SIL1: variants seen among roughly 807,000 people sequenced by gnomAD.
SIL1 encodes the protein nucleotide exchange factor SIL1.
SIL1 carries 40 observed loss-of-function variants against 49.1 expected under a neutral mutation model. That is an observed-to-expected ratio of 0.81 (90% CI 0.63 to 1.06). SIL1 has a LOEUF of 1.06. Among genes scored for constraint, SIL1 ranks in the 50% least tolerant of loss-of-function variants. The pLI, the probability that SIL1 is intolerant of heterozygous loss-of-function variation, is 0.00. For missense variants in SIL1, 500 were observed against 572.6 expected, an observed-to-expected ratio of 0.87 and a Z score of 1.29; for synonymous variants, 253 against 250.8, an observed-to-expected ratio of 1.01 and a Z score of -0.08.
Position 138,951,853 on chromosome 5 carries a change from C to A in SIL1, c.799G>T (p.Gly267Trp), listed in dbSNP as rs202207368. The A allele has an allele frequency of 4.3e-6, 7 of 1,614,024 alleles. No homozygotes were observed. Among genetic ancestry groups the A allele is most frequent in the Non-Finnish European group, 5.9e-6 (7 of 1,180,028 alleles). The change falls in exon 8 of 10, where the codon GGG (glycine) becomes TGG (tryptophan). Residue 267 changes from glycine (G) to tryptophan (W), a missense_variant. Coordinates refer to ENST00000394817, the MANE Select transcript of SIL1 (RefSeq NM_022464.5). ...ACCAGCAGCTTCTGCAGGGCTCCCCCTTCGATGGCCTCCACCTGGACCTTG... is the reference window on the plus strand; with the variant it reads ...ACCAGCAGCTTCTGCAGGGCTCCCCATTCGATGGCCTCCACCTGGACCTTG... ...NPKVQVEAIE[G>W]GALQKLLVIL...
chr5:139,047,689 G>T (rs1258778552), intron 4 of SIL1, among the ~76,000 whole-genome samples: 1 of 152,236 alleles, frequency 6.6e-6, no homozygotes, highest in African/African-American at 2.4e-5. Context: ...AAGACACCAT[G>T]AAATGGAATT....
At chr5:138,959,998 A>G (rs1043101204) in intron 7 of SIL1, among the ~76,000 whole-genome samples, 13 of 152,230 alleles carry the variant, frequency 8.5e-5, no homozygotes, top group African/African-American at 3.1e-4. Flanking sequence ...AAGAATAAAT[A>G]TTGTCAGGAG....
At chr5:139,075,949 T>C (rs1769939976) in intron 3 of SIL1, among the ~76,000 whole-genome samples, 1 of 152,160 alleles carries the variant, frequency 6.6e-6, no homozygotes, top group Non-Finnish European at 1.5e-5. Flanking sequence ...TCATTCCCAA[T>C]ACGATCTGCC....
intron 7 of SIL1, among the ~76,000 whole-genome samples, chr5:139,000,227 TG>T (rs1767957515): frequency 6.6e-6 from 1 of 152,230 alleles, no homozygotes; most frequent in Non-Finnish European, 1.5e-5. Context: ...AATGATTACA[TG>T]GTTTTTGTTC....
At chr5:138,998,919 C>T (rs1423448099) in intron 7 of SIL1, among the ~76,000 whole-genome samples, 1 of 137,560 alleles carries the variant, frequency 7.3e-6, no homozygotes, top group East Asian at 2.2e-4. Flanking sequence ...TGCAATGGCA[C>T]AATCTCAGCT....
chr5:139,067,540 T>C (rs1278783344), intron 3 of SIL1, among the ~76,000 whole-genome samples: 4 of 152,232 alleles, frequency 2.6e-5, no homozygotes, highest in Non-Finnish European at 5.9e-5. Flanking sequence ...ACAATATTAC[T>C]AGAGACCAGC....
At chr5:139,185,187 A>G (rs1752057336) in intron 1 of SIL1, among the ~76,000 whole-genome samples, 1 of 152,080 alleles carries the variant, frequency 6.6e-6, no homozygotes, top group African/African-American at 2.4e-5. Flanking sequence ...TGTTGCGTGT[A>G]AGGGGTCCAG....
At chr5:139,035,739 C>T (rs974277328) in intron 5 of SIL1, 3 of 200,598 alleles carry the variant, frequency 1.5e-5, no homozygotes, top group South Asian at 8.0e-5. Flanking sequence ...AGCTCCGCCT[C>T]CCAGGTTCAC....
chr5:139,187,856 C>G (rs1373220306), intron 1 of SIL1: 2 of 152,170 alleles, frequency 1.3e-5, no homozygotes, highest in Non-Finnish European at 2.9e-5. Flanking sequence ...TGGGAGGTGA[C>G]TAAGTCATAG....
chr5:138,991,690 T>C (rs1355939053), intron 7 of SIL1, among the ~76,000 whole-genome samples: 1 of 152,374 alleles, frequency 6.6e-6, no homozygotes, highest in African/African-American at 2.4e-5. Flanking sequence ...CTTTTAAGTA[T>C]TGAACTATGG....
At chr5:139,112,044 G>A (rs763115253) in intron 3 of SIL1, among the ~76,000 whole-genome samples, 6 of 152,196 alleles carry the variant, frequency 3.9e-5, no homozygotes, top group African/African-American at 7.2e-5. Flanking sequence ...ACGGGGTTTC[G>A]CTGTGTTGGC....
chr5:139,043,064 C>G (rs1769080439), intron 4 of SIL1, among the ~76,000 whole-genome samples: 1 of 152,176 alleles, frequency 6.6e-6, no homozygotes, highest in South Asian at 2.1e-4. Context: ...GAATGGCACC[C>G]TAAGGTAAGT....
chr5:139,128,073 G>C (rs762331286), intron 1 of SIL1: 16 of 567,740 alleles, frequency 2.8e-5, no homozygotes, highest in Non-Finnish European at 5.0e-5. Context: ...CCATACAGTC[G>C]ATCAGGACTC....
chr5:138,968,965 A>G lies in SIL1; in HGVS notation c.768-17081T>C, dbSNP rs1171754023. On this transcript the variant is annotated intron_variant, in intron 7 of 9. Coordinates refer to ENST00000394817, the MANE Select transcript of SIL1 (RefSeq NM_022464.5). ...TCCCTGCACTTTGATTCTCTTGACC[A>G]TGGGTCCTCCTCACTGCATATCCCC... Among the ~76,000 whole-genome samples, 3 of 152,134 alleles carry G rather than the reference A, an allele frequency of 2.0e-5. No homozygotes were observed. The East Asian group carries it at 5.8e-4, about 29-fold the overall frequency.
At chr5:139,090,395 CT>C (rs1561858008) in intron 3 of SIL1, among the ~76,000 whole-genome samples, 2 of 152,152 alleles carry the variant, frequency 1.3e-5, no homozygotes, top group Non-Finnish European at 2.9e-5. Flanking sequence ...CAACTGCCAT[CT>C]AGATACACAT....
chr5:138,971,226 AC>A (rs1356448113), intron 7 of SIL1, among the ~76,000 whole-genome samples: 1 of 151,938 alleles, frequency 6.6e-6, no homozygotes, highest in Non-Finnish European at 1.5e-5. Flanking sequence ...GTTTTATACC[AC>A]CCCAGGCCAA....
chr5:139,129,644 C>A (rs544959962), intron 1 of SIL1, among the ~76,000 whole-genome samples: 1 of 152,344 alleles, frequency 6.6e-6, no homozygotes, highest in South Asian at 2.1e-4. Context: ...TGCATTCCAG[C>A]CTGGGCAACA....
chr5:139,099,467 A>G (rs1770539812), intron 3 of SIL1, among the ~76,000 whole-genome samples: 1 of 152,226 alleles, frequency 6.6e-6, no homozygotes, highest in Admixed American at 6.5e-5. Flanking sequence ...TCAAAGAGAT[A>G]TCTGTACTCC....
chr5:139,105,384 C>A (rs1482247667), intron 3 of SIL1, among the ~76,000 whole-genome samples: 1 of 152,158 alleles, frequency 6.6e-6, no homozygotes, highest in East Asian at 1.9e-4. Context: ...TGTATCATCG[C>A]AGTGTTGATA....
Sources: allele counts gnomAD v4.1 joint callset (sites outside exome capture counted in the v4.1 genomes callset), GRCh38; gene constraint gnomAD v4.1.1; transcripts MANE v1.5; gene names NCBI Gene and HGNC (gene_info 2026-07-23, HGNC 2026-07-21).